Variants in APCDD1L observed in about 807,000 individuals in gnomAD.
APCDD1L encodes the protein APC down-regulated 1 like, also known as protein APCDD1-like.
Under a neutral mutation model 24.2 loss-of-function variants are expected in APCDD1L, and 21 were observed. The observed-to-expected ratio is 0.87, with a 90% CI of 0.61 to 1.25. The LOEUF is 1.25. Ranked by LOEUF, APCDD1L falls within the 50% of genes most tolerant of loss-of-function variation. The pLI is 0.00. For missense variants in APCDD1L, 704 were observed against 711.7 expected, an observed-to-expected ratio of 0.99 and a Z score of 0.12; for synonymous variants, 321 against 323.6, an observed-to-expected ratio of 0.99 and a Z score of 0.09.
At chr20:58,483,150 G>A (rs1990055499) in intron 1 of APCDD1L, among the ~76,000 whole-genome samples, 1 of 152,192 alleles carries the variant, frequency 6.6e-6, no homozygotes, top group Non-Finnish European at 1.5e-5. Flanking sequence ...GGCAGGAGCT[G>A]TAAAGGTAGC....
chr20:58,500,203 C>T (rs907889900), intron 1 of APCDD1L, among the ~76,000 whole-genome samples: 3 of 152,162 alleles, frequency 2.0e-5, no homozygotes, highest in Non-Finnish European at 4.4e-5. Context: ...ATTTAAAGCA[C>T]TCTGTTTTGA....
Position 58,461,780 on chromosome 20 carries a change from G to T in APCDD1L, c.742-226C>A. The T allele has an allele frequency of 2.5e-6, 1 of 405,198 alleles. No individual in the cohort carries two copies. The highest frequency in any genetic ancestry group is 4.3e-6 in the Non-Finnish European group (1 of 232,908). The allele number at this position is 405,198 out of a possible 1,614,324, so 25.1% of individuals were successfully genotyped here. A position where few individuals can be genotyped will look rare whatever the true frequency, so the allele number is the denominator to read the frequency against. On this transcript the variant is annotated intron_variant, in intron 3 of 3. Transcript: ENST00000371149. This position sits in a 1 kb window ranked among gnomAD's most constrained non-coding sequence, Gnocchi z 6.0. ...AGCCCCTGTATCCCCCGGGCCTTGG[G>T]TCTCCTGCTGTCTCTTCCACCTGGA... is the stretch of plus-strand genomic sequence containing the variant.
intron 1 of APCDD1L, among the ~76,000 whole-genome samples, chr20:58,492,095 A>C (rs530605731): frequency 4.7e-4 from 72 of 152,380 alleles, no homozygotes; most frequent in African/African-American, 1.6e-3. Flanking sequence ...CAAAAAGATA[A>C]AATGCTAAAG....
intron 1 of APCDD1L, among the ~76,000 whole-genome samples, chr20:58,471,893 TGA>T (rs1439687038): frequency 1.3e-5 from 2 of 152,142 alleles, no homozygotes; most frequent in African/African-American, 4.8e-5. Flanking sequence ...CAGGAGGGGC[TGA>T]GTCTTAGGGC....
intron 1 of APCDD1L, among the ~76,000 whole-genome samples, chr20:58,496,643 G>C (rs1199349478): frequency 6.6e-6 from 1 of 152,250 alleles, no homozygotes; most frequent in East Asian, 1.9e-4. Context: ...GCTAATGTCG[G>C]GGGTCAGCAT....
chr20:58,475,663 C>T (rs1259942686), intron 1 of APCDD1L, among the ~76,000 whole-genome samples: 2 of 152,052 alleles, frequency 1.3e-5, no homozygotes, highest in East Asian at 3.9e-4. Context: ...AGCATCTGGG[C>T]ATCTCAGGGC....
intron 1 of APCDD1L, among the ~76,000 whole-genome samples, chr20:58,499,754 C>T (rs1422497317): frequency 6.6e-6 from 1 of 152,200 alleles, no homozygotes. Context: ...GGGAGGGCAC[C>T]CCTGTGCCAA....
At chr20:58,489,048 T>C (rs1481212081) in intron 1 of APCDD1L, among the ~76,000 whole-genome samples, 1 of 152,074 alleles carries the variant, frequency 6.6e-6, no homozygotes, top group Non-Finnish European at 1.5e-5. Context: ...CTATTGAGAA[T>C]GAAAAACGGA....
chr20:58,465,877 C>T (rs745998636), intron 3 of APCDD1L, among the ~76,000 whole-genome samples: 3 of 152,076 alleles, frequency 2.0e-5, no homozygotes, highest in Non-Finnish European at 4.4e-5. Flanking sequence ...CACAAATTAG[C>T]GTTTTAAAAC....
intron 3 of APCDD1L, among the ~76,000 whole-genome samples, chr20:58,464,791 A>T (rs1989676655): frequency 6.6e-6 from 1 of 151,736 alleles, no homozygotes; most frequent in Admixed American, 6.6e-5. Context: ...GCAACAACTG[A>T]TTCATTTCTT....
At chr20:58,513,563 G>A (rs927995385) in intron 1 of APCDD1L, among the ~76,000 whole-genome samples, 3 of 152,168 alleles carry the variant, frequency 2.0e-5, no homozygotes, top group South Asian at 4.1e-4. Context: ...AGAGCTCCTC[G>A]AGGTGACTTA....
At chr20:58,489,373 T>C (rs1990179814) in intron 1 of APCDD1L, among the ~76,000 whole-genome samples, 1 of 149,998 alleles carries the variant, frequency 6.7e-6, no homozygotes, top group Non-Finnish European at 1.5e-5. Flanking sequence ...AACCCATCTC[T>C]ACAAAAAATA....
chr20:58,514,644 GA>G lies in APCDD1L; in HGVS notation c.49+14del. ...AGCTCAGCCAGTTTGCCGGGTGGGG[GA>G]GGGTGGCACCTACCTCCCAAAAGCA... is the stretch of plus-strand genomic sequence containing the variant. On this transcript the variant is annotated intron_variant, in intron 1 of 3. Coordinates refer to ENST00000371149, the MANE Select transcript of APCDD1L (RefSeq NM_153360.3). 7.6e-7 allele frequency: 1 copy of G among 1,314,188 alleles called. No homozygotes were observed. The highest frequency in any genetic ancestry group is 2.8e-5 in the East Asian group (1 of 35,642). 81.4% of individuals were successfully genotyped at this position (1,314,188 alleles called of 1,614,324 possible). A position where few individuals can be genotyped will look rare whatever the true frequency, so the allele number is the denominator to read the frequency against.
intron 1 of APCDD1L, among the ~76,000 whole-genome samples, chr20:58,510,365 C>G (rs1990604009): frequency 6.6e-6 from 1 of 152,096 alleles, no homozygotes; most frequent in Non-Finnish European, 1.5e-5. Context: ...TTTTGTCTCG[C>G]CCTGTTGCCC....
At chr20:58,471,096 T>A (rs1192114011) in intron 1 of APCDD1L, among the ~76,000 whole-genome samples, 1 of 152,200 alleles carries the variant, frequency 6.6e-6, no homozygotes, top group African/African-American at 2.4e-5. Context: ...CACGGGCTCA[T>A]CAGCCGTGGC....
rs149312027 is a variant in APCDD1L at position 58,461,013 on chromosome 20, A to T, written c.1283T>A (p.Ile428Asn). The part of the protein sequence containing the change: ...QDPLGQSLLF[I>N]GQRPTDGSSP... ...TGAGCCATCGGTGGGCCTTTGTCCG[A>T]TGAAGAGCAGGCTTTGCCCGAGGGG... Residue 428 changes from isoleucine (I) to asparagine (N), a missense_variant, in exon 4 of 4, where the codon ATC becomes AAC. By Grantham distance (149) the Ile-to-Asn change is moderately radical. Transcript: ENST00000371149. This position sits in a 1 kb window ranked among gnomAD's most constrained non-coding sequence, Gnocchi z 6.0. The T allele has an allele frequency of 1.8e-5, 29 of 1,614,040 alleles. 1 individual carries two copies. In the South Asian group the frequency reaches 3.1e-4, roughly 17 times the overall value.
rs971641657 is a variant in APCDD1L at position 58,515,396 on chromosome 20, G to A, written c.-689C>T. 1 of 375,590 alleles carries A rather than the reference G, an allele frequency of 2.7e-6. No individual in the cohort carries two copies. 23.3% of individuals were successfully genotyped at this position (375,590 alleles called of 1,614,324 possible). On this transcript the variant is annotated 5_prime_UTR_variant, in exon 1 of 4. Coordinates refer to ENST00000371149, the MANE Select transcript of APCDD1L (RefSeq NM_153360.3). The stretch of plus-strand genomic sequence containing the variant: ...CCACACCCAAACGCATCTAGGCAAA[G>A]TGTGGACCCGACCAGGCGGGTTTTC...
intron 1 of APCDD1L, among the ~76,000 whole-genome samples, chr20:58,498,750 A>G (rs1015650653): frequency 1.3e-5 from 2 of 152,224 alleles, no homozygotes; most frequent in Non-Finnish European, 2.9e-5. Context: ...AGCTAGAGCC[A>G]TCTCTAGAAA....
In APCDD1L at chr20:58,467,393, T is replaced by A; in HGVS notation, c.454A>T (p.Thr152Ser). The A allele has an allele frequency of 6.6e-7, 1 of 1,521,864 alleles. No homozygotes were observed. The highest frequency in any genetic ancestry group is 2.1e-4 in the Middle Eastern group (1 of 4,872). 94.3% of individuals were successfully genotyped at this position (1,521,864 alleles called of 1,614,324 possible). Residue 152 changes from threonine to serine, a missense_variant, in exon 3 of 4, where the codon ACC (threonine) becomes TCC (serine). By Grantham distance (58) the Thr-to-Ser change is moderately conservative. Coordinates refer to ENST00000371149, the MANE Select transcript of APCDD1L (RefSeq NM_153360.3). This position sits in a 1 kb window ranked among gnomAD's most constrained non-coding sequence, Gnocchi z 5.9. The stretch of plus-strand genomic sequence containing the variant: ...CGCGCGCAGTCCCGGCCGGCGCGGG[T>A]CTGGTTGAGGCGCCCGGTGACGTCG... The part of the protein sequence containing the change: ...LVDVTGRLNQ[T>S]RAGRDCARRL...
Sources: allele counts gnomAD v4.1 joint callset (sites outside exome capture counted in the v4.1 genomes callset), GRCh38; gene constraint gnomAD v4.1.1; non-coding constraint Gnocchi (gnomAD v3.1); transcripts MANE v1.5; gene names NCBI Gene and HGNC (gene_info 2026-07-23, HGNC 2026-07-21).